OSBPL10: variants seen among roughly 807,000 people sequenced by gnomAD.
The protein encoded by OSBPL10 is oxysterol binding protein like 10.
OSBPL10 carries 49 observed loss-of-function variants against 81.7 expected under a neutral mutation model. That is an observed-to-expected ratio of 0.60 (90% CI 0.48 to 0.76). The LOEUF (loss-of-function observed/expected upper bound fraction) is 0.76. Among genes scored for constraint, OSBPL10 ranks in the 30% least tolerant of loss-of-function variants. OSBPL10 has a pLI of 0.00. For synonymous variants in OSBPL10, 419 were observed against 383.6 expected, an observed-to-expected ratio of 1.09 and a Z score of -1.08; for missense variants, 923 against 987.8, an observed-to-expected ratio of 0.93 and a Z score of 0.88.
intron 6 of OSBPL10, chr3:31,721,246 C>T (rs1559433265): frequency 6.6e-6 from 1 of 152,224 alleles, no homozygotes; most frequent in African/African-American, 2.4e-5. Flanking sequence ...CACAGCCCTG[C>T]TAACACTTTA....
intron 2 of OSBPL10, among the ~76,000 whole-genome samples, chr3:32,019,404 A>G (rs1475173725): frequency 2.0e-5 from 3 of 152,270 alleles, no homozygotes; most frequent in African/African-American, 7.2e-5. Flanking sequence ...TATGCAAGTA[A>G]TGATGATTCA....
At chr3:31,927,716 G>A (rs925221519) in intron 1 of OSBPL10, among the ~76,000 whole-genome samples, 4 of 152,154 alleles carry the variant, frequency 2.6e-5, no homozygotes, top group African/African-American at 7.2e-5. Context: ...TATATCTACC[G>A]CTGGCCTTCA....
intron 2 of OSBPL10, among the ~76,000 whole-genome samples, chr3:32,000,784 C>T (rs546395887): frequency 1.2e-4 from 18 of 152,310 alleles, no homozygotes; most frequent in African/African-American, 4.1e-4. Context: ...CACTCTCCCC[C>T]TTCTTCCTGG....
chr3:31,836,155 T>G (rs986714060), intron 3 of OSBPL10, among the ~76,000 whole-genome samples: 3 of 152,244 alleles, frequency 2.0e-5, no homozygotes, highest in Admixed American at 6.5e-5. Flanking sequence ...TCCAAATTCC[T>G]GTTTTCATCC....
intron 1 of OSBPL10, among the ~76,000 whole-genome samples, chr3:31,962,784 G>A (rs553903525): frequency 9.8e-4 from 150 of 152,318 alleles, no homozygotes; most frequent in African/African-American, 3.5e-3. Context: ...TGGGTGCAAG[G>A]TAAATGCACA....
At chr3:31,807,396 A>AATAAAT (rs55943396) in intron 4 of OSBPL10, among the ~76,000 whole-genome samples, 47,414 of 150,550 alleles carry the variant, frequency 0.31, 7,913 homozygotes, top group East Asian at 0.55. Context: ...TAAATAAATA[A>AATAAAT]ATAAATAAGA....
chr3:31,681,189 T>C (rs1385676736), intron 8 of OSBPL10, among the ~76,000 whole-genome samples: 3 of 152,106 alleles, frequency 2.0e-5, no homozygotes, highest in African/African-American at 4.8e-5. Flanking sequence ...GATTGATCCT[T>C]GAGAGGAAGG....
chr3:32,056,899 T>C (rs1699716857), intron 1 of OSBPL10, among the ~76,000 whole-genome samples: 1 of 152,210 alleles, frequency 6.6e-6, no homozygotes. Context: ...ATAAAGACCA[T>C]GCTGATAAAA....
intron 4 of OSBPL10, among the ~76,000 whole-genome samples, chr3:31,768,048 C>A (rs1434684484): frequency 6.6e-6 from 1 of 152,154 alleles, no homozygotes; most frequent in Non-Finnish European, 1.5e-5. Context: ...AAAAAAGAGA[C>A]AGATTGTTCA....
At chr3:31,800,215 T>C (rs535342251) in intron 4 of OSBPL10, among the ~76,000 whole-genome samples, 1 of 152,352 alleles carries the variant, frequency 6.6e-6, no homozygotes, top group Admixed American at 6.5e-5. Flanking sequence ...AAATGGAATG[T>C]CTTCCCACCT....
At chr3:31,866,149 A>C (rs1701174548) in intron 3 of OSBPL10, among the ~76,000 whole-genome samples, 1 of 152,200 alleles carries the variant, frequency 6.6e-6, no homozygotes, top group Admixed American at 6.5e-5. Flanking sequence ...GGGAGGAACA[A>C]TTAAACAGCT....
At position 32,058,641 on chromosome 3, in the gene OSBPL10, T is replaced by G. The variant is rs140646500; in HGVS notation, n.186-12038A>C. 3.9e-5 allele frequency among the ~76,000 whole-genome samples: 6 copies of G among 152,238 alleles called. No homozygotes were observed. The East Asian group carries it at 1.2e-3, about 29-fold the overall frequency. ...CCCACCCAGCCTGAACTATTCAAAA[T>G]GTTTTAAATGATGCATGCTTATGAA... On this transcript the variant is annotated intron_variant and non_coding_transcript_variant, in intron 1 of 3. Transcript: ENST00000479173.
chr3:31,864,329 C>G (rs1166749691), intron 3 of OSBPL10, among the ~76,000 whole-genome samples: 1 of 152,134 alleles, frequency 6.6e-6, no homozygotes, highest in Non-Finnish European at 1.5e-5. Flanking sequence ...GCAACCTCCG[C>G]CTCCTGGGTT....
At chr3:31,900,886 T>C (rs1168715244) in intron 1 of OSBPL10, among the ~76,000 whole-genome samples, 1 of 152,218 alleles carries the variant, frequency 6.6e-6, no homozygotes, top group East Asian at 1.9e-4. Flanking sequence ...TGTTAGCTGT[T>C]GGTTTCAGAT....
chr3:31,783,789 T>TAAAA (rs869137696), intron 4 of OSBPL10, among the ~76,000 whole-genome samples: 4 of 19,956 alleles, frequency 2.0e-4, no homozygotes, highest in Admixed American at 2.1e-3. Flanking sequence ...AGACTCCGAT[T>TAAAA]AAAAAAAAAA....
chr3:31,906,662 C>A (rs1348570879), intron 1 of OSBPL10, among the ~76,000 whole-genome samples: 1 of 152,182 alleles, frequency 6.6e-6, no homozygotes. Flanking sequence ...TCAGGCCATC[C>A]TGACCCTCTA....
At position 31,731,205 on chromosome 3, in the gene OSBPL10, C is replaced by T. The variant is rs187429035; in HGVS notation, c.1095+2052G>A. 3.9e-4 allele frequency among the ~76,000 whole-genome samples: 59 copies of T among 152,158 alleles called. 1 individual carries two copies. In the East Asian group the frequency reaches 0.01, roughly 26 times the overall value. On this transcript the variant is annotated intron_variant, in intron 6 of 11. Transcript: ENST00000396556. ...TGTTTGGGTTTTGAGAATCATCTGCCGTAGCACTCACTAGAAAAAATGAGG... is the reference window on the plus strand; with the variant it reads ...TGTTTGGGTTTTGAGAATCATCTGCTGTAGCACTCACTAGAAAAAATGAGG...
intron 10 of OSBPL10, among the ~76,000 whole-genome samples, chr3:31,666,821 G>C (rs1448965586): frequency 1.3e-5 from 2 of 152,168 alleles, no homozygotes; most frequent in Non-Finnish European, 2.9e-5. Context: ...AAAGTTATGT[G>C]AATGTATTCT....
intron 4 of OSBPL10, among the ~76,000 whole-genome samples, chr3:31,812,668 T>C (rs1459050961): frequency 6.7e-6 from 1 of 149,470 alleles, no homozygotes; most frequent in African/African-American, 2.5e-5. Context: ...GTTAAGTTGA[T>C]AGATGTTTAT....
Sources: gnomAD v4.1 joint callset for allele counts (sites outside exome capture counted in the v4.1 genomes callset) on GRCh38, gnomAD v4.1.1 for gene constraint, MANE v1.5 for transcripts, NCBI Gene and HGNC (gene_info 2026-07-23, HGNC 2026-07-21) for gene names.